The following ESYT2 variants were observed in gnomAD, a reference collection of about 807,000 sequenced individuals.
The protein encoded by ESYT2 is extended synaptotagmin-2.
A neutral mutation model predicts 107.2 loss-of-function variants in ESYT2; 54 were observed. The ratio of observed to expected loss-of-function variants is 0.50; its 90% CI spans 0.40 to 0.63. The LOEUF is 0.63. Among genes scored for constraint, ESYT2 ranks in the 30% least tolerant of loss-of-function variants. ESYT2 has a pLI of 0.00. For synonymous variants in ESYT2, 491 were observed against 434.1 expected, an observed-to-expected ratio of 1.13 and a Z score of -1.63; for missense variants, 1,020 against 1,094.5, an observed-to-expected ratio of 0.93 and a Z score of 0.96.
chr7:158,763,295 T>C (rs1389870331), intron 9 of ESYT2, 130 bp from the exon 10 acceptor site: 1 of 402,902 alleles, frequency 2.5e-6, no homozygotes, highest in Non-Finnish European at 4.1e-6. Context: ...TATTTATTTA[T>C]TTATTTATTT....
intron 1 of ESYT2, among the ~76,000 whole-genome samples, chr7:158,811,015 T>TGCGTGAACCCGGG (rs142281876): frequency 1.1e-4 from 16 of 148,904 alleles, no homozygotes; most frequent in East Asian, 6.2e-4. Flanking sequence ...ACAAAAGGGG[T>TGCGTGAACCCGGG]AAGGCGCAGT....
intron 8 of ESYT2, among the ~76,000 whole-genome samples, chr7:158,767,003 A>C (rs1838188027): frequency 6.6e-6 from 1 of 152,242 alleles, no homozygotes; most frequent in African/African-American, 2.4e-5. Context: ...AGGTGACATC[A>C]GTATCTGCAA....
chr7:158,791,253 G>GC (rs1452859755), intron 4 of ESYT2, among the ~76,000 whole-genome samples: 3 of 152,214 alleles, frequency 2.0e-5, no homozygotes, highest in Non-Finnish European at 4.4e-5. Context: ...TCAAGGTCCA[G>GC]CATGTGGCGG....
intron 19 of ESYT2, 100 bp downstream of exon 19, chr7:158,738,922 TA>T (rs756445064): frequency 8.5e-5 from 102 of 1,195,378 alleles, no homozygotes; most frequent in Non-Finnish European, 1.2e-4. Flanking sequence ...AAATGAAACA[TA>T]AATGGATGTT....
intron 10 of ESYT2, among the ~76,000 whole-genome samples, chr7:158,762,501 T>G (rs1838004740): frequency 6.6e-6 from 1 of 152,256 alleles, no homozygotes; most frequent in Non-Finnish European, 1.5e-5. Context: ...TTTGCCACAA[T>G]TTAATTCAGT....
At chr7:158,800,052 TA>T (rs1052774631) in intron 1 of ESYT2, among the ~76,000 whole-genome samples, 1 of 101,604 alleles carries the variant, frequency 9.8e-6, no homozygotes, top group African/African-American at 3.4e-5. Flanking sequence ...TGTGGCCTCT[TA>T]ATTTTTTTTT....
At chr7:158,761,466 T>A in intron 11 of ESYT2, 30 bp downstream of exon 11, 1 of 1,612,316 alleles carries the variant, frequency 6.2e-7, no homozygotes, top group Non-Finnish European at 8.5e-7. Flanking sequence ...TCAACAATTG[T>A]AAACAGACCC....
In ESYT2 at chr7:158,733,663, G is replaced by A. The variant is rs1061739; in HGVS notation, c.*544C>T. On this transcript the variant is annotated 3_prime_UTR_variant, in exon 23 of 23. Transcript: ENST00000275418. The stretch of plus-strand genomic sequence containing the variant: ...TTTCATAATGGGCAGAAACATACTA[G>A]CATTTAATAATATTTCAGCTTTTCT... The A allele has an allele frequency of 0.26, 38,957 of 152,112 alleles. 6,099 individuals are homozygous for A. The highest frequency in any genetic ancestry group is 0.6 in the East Asian group (3,118 of 5,188). 9.4% of individuals were successfully genotyped at this position (152,112 alleles called of 1,614,324 possible).
In ESYT2 at chr7:158,776,855, C is replaced by CT. The variant is rs746847104; in HGVS notation, c.748-3460dup. Among the ~76,000 whole-genome samples, 613 of 140,316 alleles carry CT rather than the reference C, an allele frequency of 4.4e-3. 4 individuals are homozygous for CT. The highest frequency in any genetic ancestry group is 8.6e-3 in the South Asian group (38 of 4,408). 92.1% of individuals were successfully genotyped at this position (140,316 alleles called of 152,430 possible). A position where few individuals can be genotyped will look rare whatever the true frequency, so the allele number is the denominator to read the frequency against. On this transcript the variant is annotated intron_variant, in intron 6 of 22. Transcript: ENST00000275418. ...CTAAGCTTAATCATTTCTAGCTTCG[C>CT]TTTTTTTTTTTTTTTGAGACAGAGT...
In ESYT2 at chr7:158,737,067, T is replaced by A. The variant is rs767062736; in HGVS notation, c.2380A>T (p.Asn794Tyr). 1.9e-6 allele frequency: 3 copies of A among 1,613,704 alleles called. No individual in the cohort carries two copies. The South Asian group carries it at 3.3e-5, about 18-fold the overall frequency. ...RKTHVSKKTL[N>Y]PVFDQSFDFS... ...CCGTACCTTTGATCAAACACTGGAT[T>A]TAATGTTTTCTTTGACACGTGTGTT... The change falls in exon 20 of 23, where the codon AAT (asparagine) becomes TAT (tyrosine). Residue 794 changes from asparagine to tyrosine, a missense_variant. Physicochemically the swap from Asn to Tyr is moderately radical, Grantham distance 143. Transcript: ENST00000275418.
chr7:158,828,479 C>G (rs944911642), intron 1 of ESYT2, among the ~76,000 whole-genome samples: 1 of 152,332 alleles, frequency 6.6e-6, no homozygotes, highest in African/African-American at 2.4e-5. Flanking sequence ...GGGCGCCAAG[C>G]CCGGTACCTG....
intron 7 of ESYT2, among the ~76,000 whole-genome samples, chr7:158,770,675 C>T (rs1227589821): frequency 7.2e-5 from 11 of 151,798 alleles, no homozygotes; most frequent in African/African-American, 2.4e-4. Context: ...CCACCATGCC[C>T]GGCTAATTTT....
chr7:158,786,305 C>T (rs1446949419), intron 6 of ESYT2, among the ~76,000 whole-genome samples: 1 of 152,082 alleles, frequency 6.6e-6, no homozygotes, highest in African/African-American at 2.4e-5. Flanking sequence ...TTAAAAATGT[C>T]CCTGGCTAAA....
intron 6 of ESYT2, among the ~76,000 whole-genome samples, chr7:158,787,548 A>G (rs1470404251): frequency 6.6e-6 from 1 of 152,266 alleles, no homozygotes; most frequent in Non-Finnish European, 1.5e-5. Flanking sequence ...GTTCAGGAAC[A>G]TGAGCTCTGT....
rs1379003546 is a variant in ESYT2, at chr7:158,767,721, G to A, written c.857C>T (p.Pro286Leu). 6.2e-7 allele frequency: 1 copy of A among 1,612,990 alleles called. No homozygotes were observed. Among genetic ancestry groups the A allele is most frequent in the Non-Finnish European group, 8.5e-7 (1 of 1,179,418 alleles). ...LDIISNYLVL[P>L]NRITVPLVSE... is the part of the protein sequence containing the mutation. ...GACAAGTGGAACGGTGATTCGATTG[G>A]GAAGCACCAGATAGTTTGATATTAT... Residue 286 changes from proline (P) to leucine (L), a missense_variant, in exon 8 of 23, where the codon CCC becomes CTC. Physicochemically the swap from Pro to Leu is moderately conservative, Grantham distance 98. Coordinates refer to ENST00000275418, the MANE Select transcript of ESYT2 (RefSeq NM_001367773.1).
At chr7:158,797,698 C>A (rs1192370473) in intron 3 of ESYT2, among the ~76,000 whole-genome samples, 2 of 151,630 alleles carry the variant, frequency 1.3e-5, no homozygotes, top group Non-Finnish European at 2.9e-5. Context: ...ACTAAAAATA[C>A]AAAAAATTAG....
At chr7:158,738,615 T>C (rs1276529675) in intron 19 of ESYT2, among the ~76,000 whole-genome samples, 1 of 135,160 alleles carries the variant, frequency 7.4e-6, no homozygotes, top group African/African-American at 3.0e-5. Flanking sequence ...CCACCACACG[T>C]GGCTAGTTTG....
intron 1 of ESYT2, among the ~76,000 whole-genome samples, chr7:158,820,702 A>C (rs796274253): frequency 1.3e-5 from 2 of 152,266 alleles, no homozygotes; most frequent in African/African-American, 4.8e-5. Flanking sequence ...GGGAGGGGTG[A>C]CTGAGCCCAG....
intron 1 of ESYT2, among the ~76,000 whole-genome samples, chr7:158,808,915 G>T (rs552913059): frequency 3.3e-5 from 5 of 152,194 alleles, no homozygotes; most frequent in Admixed American, 6.5e-5. Context: ...GGCAGAGGTT[G>T]CAGTGAGCCG....
Sources: allele counts gnomAD v4.1 joint callset (sites outside exome capture counted in the v4.1 genomes callset), GRCh38; gene constraint gnomAD v4.1.1; transcripts MANE v1.5; gene names NCBI Gene and HGNC (gene_info 2026-07-23, HGNC 2026-07-21).